MARCO: variants seen among roughly 807,000 people sequenced by gnomAD.
MARCO encodes the protein macrophage receptor MARCO.
In MARCO, 72 loss-of-function variants were observed where a neutral mutation model predicts 70.0. The observed-to-expected ratio is 1.03, with a 90% CI of 0.85 to 1.25. The LOEUF (loss-of-function observed/expected upper bound fraction) is 1.25, where lower values mean the gene tolerates loss of function less well. Among genes scored for constraint, MARCO ranks in the 50% most tolerant of loss-of-function variants. MARCO has a pLI of 0.00. For synonymous variants in MARCO, 273 were observed against 243.1 expected, an observed-to-expected ratio of 1.12 and a Z score of -1.14; for missense variants, 696 against 659.3, an observed-to-expected ratio of 1.06 and a Z score of -0.61.
At chr2:118,975,467 T>C (rs1052053168) in intron 6 of MARCO, among the ~76,000 whole-genome samples, 1 of 152,158 alleles carries the variant, frequency 6.6e-6, no homozygotes, top group Non-Finnish European at 1.5e-5. Context: ...GGAGGTAGAA[T>C]CCTCCAGAAA....
At chr2:118,961,565 TG>T (rs781436817) in intron 1 of MARCO, among the ~76,000 whole-genome samples, 29 of 152,040 alleles carry the variant, frequency 1.9e-4, no homozygotes, top group Non-Finnish European at 4.1e-4. Context: ...TTAATGAGGT[TG>T]TTTTTTTTTC....
chr2:118,991,826 C>T lies in MARCO; in HGVS notation c.1158C>T (p.Pro386=). The change falls in exon 14 of 17, where the codon CCC becomes CCT. Residue 386 remains proline (P), a synonymous_variant. Coordinates refer to ENST00000327097, the MANE Select transcript of MARCO (RefSeq NM_006770.4). ...AGGGGAGCCCAGGGCTGGCAGGTCCCAAGGGAGCCCCTGGACAAGCTGGCC... is the reference window on the plus strand; with the variant it reads ...AGGGGAGCCCAGGGCTGGCAGGTCCTAAGGGAGCCCCTGGACAAGCTGGCC... ...GEQGSPGLAG[P]KGAPGQAGQK... is the part of the protein sequence containing the mutation. 6.2e-7 allele frequency: 1 copy of T among 1,601,100 alleles called. No individual in the cohort carries two copies. The highest frequency in any genetic ancestry group is 1.1e-5 in the South Asian group (1 of 87,498).
intron 12 of MARCO, 141 bp from the exon 13 acceptor site, chr2:118,990,448 G>A: frequency 2.6e-6 from 2 of 772,680 alleles, no homozygotes; most frequent in Non-Finnish European, 4.3e-6. Context: ...CTGCTGAAGA[G>A]GCTTTAAACA....
chr2:118,959,254 A>G (rs192061951), intron 1 of MARCO, among the ~76,000 whole-genome samples: 11 of 152,352 alleles, frequency 7.2e-5, no homozygotes, highest in Middle Eastern at 3.4e-3. Flanking sequence ...CAAAGGATTA[A>G]TGTCCAGAAT....
At chr2:118,964,722 T>A (rs1427139182) in intron 1 of MARCO, among the ~76,000 whole-genome samples, 1 of 151,974 alleles carries the variant, frequency 6.6e-6, no homozygotes, top group Non-Finnish European at 1.5e-5. Context: ...ACCCTGTCTC[T>A]ACTAAAAATA....
At chr2:118,950,861 G>A (rs1354981921) in intron 1 of MARCO, among the ~76,000 whole-genome samples, 3 of 151,722 alleles carry the variant, frequency 2.0e-5, no homozygotes, top group Non-Finnish European at 4.4e-5. Flanking sequence ...TCATGTCTGT[G>A]GACTGGACTG....
At chr2:118,982,127 C>T in intron 10 of MARCO, 29 bp from the exon 11 acceptor site, 1 of 1,551,412 alleles carries the variant, frequency 6.4e-7, no homozygotes, top group Non-Finnish European at 8.8e-7. Context: ...CCAACCACCA[C>T]AGCCTGGCAG....
intron 1 of MARCO, among the ~76,000 whole-genome samples, chr2:118,964,033 C>T (rs1679997418): frequency 6.6e-6 from 1 of 151,942 alleles, no homozygotes; most frequent in African/African-American, 2.4e-5. Context: ...TTAATGGTTT[C>T]TCTACTTATT....
intron 1 of MARCO, among the ~76,000 whole-genome samples, chr2:118,948,170 C>A (rs375774903): frequency 2.0e-5 from 3 of 152,160 alleles, no homozygotes; most frequent in South Asian, 2.1e-4. Context: ...CTCAGCAAGG[C>A]CATCTTTACT....
At chr2:118,962,527 T>A (rs941738354) in intron 1 of MARCO, among the ~76,000 whole-genome samples, 2 of 152,104 alleles carry the variant, frequency 1.3e-5, no homozygotes, top group Non-Finnish European at 2.9e-5. Flanking sequence ...TGCCTTTTAC[T>A]GAAGATTTTT....
rs564748046 is a variant in MARCO, at chr2:118,990,568, C to G, written c.1064-21C>G. 1.1e-4 allele frequency: 179 copies of G among 1,583,656 alleles called. No homozygotes were observed. In the East Asian group the frequency reaches 1.2e-3, roughly 11 times the overall value. ...AAGTTTTATTATCTCCTCCCCCCCC[C>G]CTTTTTTGTTTTGATCTTAGGACTT... On this transcript the variant is annotated intron_variant, in intron 12 of 16. Transcript: ENST00000327097.
chr2:118,967,867 T>C (rs17009725), intron 1 of MARCO, among the ~76,000 whole-genome samples: 6,500 of 152,266 alleles, frequency 0.043, 483 homozygotes, highest in African/African-American at 0.15. Context: ...TCCTTCATTA[T>C]TGTCTGTTTC....
intron 12 of MARCO, among the ~76,000 whole-genome samples, chr2:118,984,269 C>T (rs1478448540): frequency 6.6e-6 from 1 of 152,176 alleles, no homozygotes; most frequent in South Asian, 2.1e-4. Flanking sequence ...AAACATGAAG[C>T]TTTCAGGCCC....
chr2:118,988,060 A>T (rs1680549132), intron 12 of MARCO, among the ~76,000 whole-genome samples: 1 of 152,178 alleles, frequency 6.6e-6, no homozygotes. Context: ...CTGAGTGTGT[A>T]CTTTCTCCTC....
intron 12 of MARCO, among the ~76,000 whole-genome samples, chr2:118,986,658 AAGGAAG>A (rs1558671655): frequency 0.016 from 973 of 59,236 alleles, 15 homozygotes; most frequent in East Asian, 0.072. Context: ...AGAAAGAAGG[AAGGAAG>A]GAAGGAAGGA....
chr2:118,964,002 G>GT (rs1679996984), intron 1 of MARCO, among the ~76,000 whole-genome samples: 1 of 151,978 alleles, frequency 6.6e-6, no homozygotes. Context: ...TATTTATAGT[G>GT]TTTTTTATTG....
intron 1 of MARCO, among the ~76,000 whole-genome samples, chr2:118,942,770 A>C (rs954434031): frequency 6.6e-6 from 1 of 152,198 alleles, no homozygotes; most frequent in Non-Finnish European, 1.5e-5. Context: ...GGGACCACAA[A>C]ACTGAAGCCA....
chr2:118,986,654 AAGGAAGGAAGGAAGGAAG>A (rs1680501510), intron 12 of MARCO, among the ~76,000 whole-genome samples: 1 of 40,264 alleles, frequency 2.5e-5, no homozygotes, highest in Admixed American at 2.4e-4. Flanking sequence ...AGAAAGAAAG[AAGGAAGGAAGGAAGGAAG>A]GAAAGAAAGA....
chr2:118,946,888 T>C (rs1679611372), intron 1 of MARCO, among the ~76,000 whole-genome samples: 1 of 152,214 alleles, frequency 6.6e-6, no homozygotes, highest in South Asian at 2.1e-4. Context: ...TCATTGTAGA[T>C]TTAATTTACA....
Sources: allele counts gnomAD v4.1 joint callset (sites outside exome capture counted in the v4.1 genomes callset), GRCh38; gene constraint gnomAD v4.1.1; transcripts MANE v1.5; gene names NCBI Gene and HGNC (gene_info 2026-07-23, HGNC 2026-07-21).